The following MCC variants were observed in gnomAD, a reference collection of about 807,000 sequenced individuals.
The protein encoded by MCC is colorectal mutant cancer protein.
In MCC, 90 loss-of-function variants were observed where a neutral mutation model predicts 116.2. That is an observed-to-expected ratio of 0.77 (90% CI 0.65 to 0.92). The LOEUF is 0.92. Among genes scored for constraint, MCC ranks in the 40% least tolerant of loss-of-function variants. The probability of loss-of-function intolerance (pLI) is 0.00; values close to 1 mark genes in which losing one functional copy is unlikely to be tolerated. For synonymous variants in MCC, 578 were observed against 510.5 expected (o/e 1.13, Z -1.78); for missense variants, 1,516 against 1,312.2 (o/e 1.16, Z -2.40).
rs374515189 is a variant in MCC, at chr5:113,224,032, A to G, written c.628-72610T>C. Among the ~76,000 whole-genome samples the G allele has an allele frequency of 4.6e-5, 7 of 152,262 alleles. No homozygotes were observed. The East Asian group carries it at 5.8e-4, about 13-fold the overall frequency. ...CACCATTTCAGATCTTTTACAAACA[A>G]TAACTCAAGGAATGCTCATACCAAT... is the stretch of plus-strand genomic sequence containing the variant. On this transcript the variant is annotated intron_variant, in intron 3 of 18. Coordinates refer to ENST00000408903, the MANE Select transcript of MCC (RefSeq NM_001085377.2).
intron 6 of MCC, among the ~76,000 whole-genome samples, chr5:113,111,161 C>T (rs1263001546): frequency 6.6e-6 from 1 of 152,234 alleles, no homozygotes; most frequent in African/African-American, 2.4e-5. Flanking sequence ...GAAAGATCCA[C>T]ATATGGCAGG....
rs555127133 is a variant in MCC at position 113,113,800 on chromosome 5, G to A, written c.1027+8884C>T. On this transcript the variant is annotated intron_variant, in intron 6 of 18. Coordinates refer to ENST00000408903, the MANE Select transcript of MCC (RefSeq NM_001085377.2). ...TGTCACAAGAGACAAAACAGCAGGA[G>A]GGAGGATCTGTTCTAGATTAAAGGA... Among the ~76,000 whole-genome samples the A allele has an allele frequency of 2.6e-5, 4 of 152,236 alleles. No individual in the cohort carries two copies. The South Asian group carries it at 6.2e-4, about 24-fold the overall frequency.
chr5:113,303,843 C>T lies in MCC; in HGVS notation c.627+36676G>A, dbSNP rs375771420. Among the ~76,000 whole-genome samples, 54 of 152,134 alleles carry T rather than the reference C, an allele frequency of 3.5e-4. No homozygotes were observed. In the South Asian group the frequency reaches 0.01, roughly 29 times the overall value. On this transcript the variant is annotated intron_variant, in intron 3 of 18. Transcript: ENST00000408903. ...AATTTGTTTGTATTTTTAGTAGAGA[C>T]GGGGTTTCACCATGTTGGCCAGGCT...
At chr5:113,176,191 A>G (rs1346873457) in intron 3 of MCC, among the ~76,000 whole-genome samples, 1 of 152,144 alleles carries the variant, frequency 6.6e-6, no homozygotes, top group Non-Finnish European at 1.5e-5. Flanking sequence ...CTAAATGCCC[A>G]TTTCTTGTAC....
Position 113,068,177 on chromosome 5 carries a change from C to T in MCC, c.1932G>A (p.Gln644=). The T allele has an allele frequency of 1.2e-6, 2 of 1,613,686 alleles. No individual in the cohort carries two copies. The highest frequency in any genetic ancestry group is 1.7e-6 in the Non-Finnish European group (2 of 1,179,618). The part of the protein sequence containing the change: ...ALRLALQYSE[Q]CIEAYELLLA... ...GGAGGAGTTCGTAGGCTTCGATGCA[C>T]TGCTCGCTGAAACAAAGCACATGGG... The change falls in exon 13 of 19, where the codon CAG becomes CAA. Residue 644 remains glutamine (Q), a synonymous_variant. Transcript: ENST00000408903.
intron 3 of MCC, among the ~76,000 whole-genome samples, chr5:113,327,683 C>T (rs1767603380): frequency 1.3e-5 from 2 of 149,068 alleles, no homozygotes; most frequent in South Asian, 4.3e-4. Context: ...GTCTGGGTTG[C>T]AATGAGGAGA....
chr5:113,178,356 T>C (rs1273466301), intron 3 of MCC, among the ~76,000 whole-genome samples: 1 of 152,154 alleles, frequency 6.6e-6, no homozygotes, highest in Non-Finnish European at 1.5e-5. Context: ...AAAGTGTAGA[T>C]GGCATTAGTG....
At chr5:113,225,619 T>C (rs539152423) in intron 3 of MCC, among the ~76,000 whole-genome samples, 1 of 152,310 alleles carries the variant, frequency 6.6e-6, no homozygotes, top group African/African-American at 2.4e-5. Context: ...CTTCACCTCC[T>C]TGATCTTCTA....
At chr5:113,076,442 T>A (rs528662594) in intron 11 of MCC, among the ~76,000 whole-genome samples, 172 of 152,178 alleles carry the variant, frequency 1.1e-3, no homozygotes, top group African/African-American at 4.0e-3. Context: ...GGGAAGCCCA[T>A]CAGAGTAGTA....
rs1341161274 is a variant in MCC, at chr5:113,122,828, T to C, written c.885-2A>G. On this transcript the variant is annotated splice_acceptor_variant, in intron 5 of 18. Transcript: ENST00000408903. LOFTEE classifies it high-confidence loss of function. ...AGTTCTGAGTACTCATCTTCCTCCCTGAGAAAAAAGGAGAATTGGCAACCA... is the reference window on the plus strand; with the variant it reads ...AGTTCTGAGTACTCATCTTCCTCCCCGAGAAAAAAGGAGAATTGGCAACCA... 1 of 1,613,450 alleles carries C rather than the reference T, an allele frequency of 6.2e-7. No individual in the cohort carries two copies. The highest frequency in any genetic ancestry group is 1.1e-5 in the South Asian group (1 of 91,006).
chr5:113,314,409 G>A (rs946608591), intron 3 of MCC, among the ~76,000 whole-genome samples: 7 of 152,148 alleles, frequency 4.6e-5, no homozygotes, highest in Admixed American at 2.0e-4. Context: ...TTCAAAATTA[G>A]AAAAGGGCAT....
At chr5:113,413,206 C>T (rs1048750384) in intron 1 of MCC, among the ~76,000 whole-genome samples, 1 of 151,592 alleles carries the variant, frequency 6.6e-6, no homozygotes, top group Non-Finnish European at 1.5e-5. Context: ...CATCGATGTT[C>T]ATCAAGGATA....
chr5:113,309,329 C>A (rs1478433043), intron 3 of MCC, among the ~76,000 whole-genome samples: 1 of 152,086 alleles, frequency 6.6e-6, no homozygotes, highest in Non-Finnish European at 1.5e-5. Context: ...TAATTTTTTA[C>A]CCCGTGTTCT....
At chr5:113,195,598 G>A (rs1163358313) in intron 3 of MCC, among the ~76,000 whole-genome samples, 1 of 152,124 alleles carries the variant, frequency 6.6e-6, no homozygotes, top group Non-Finnish European at 1.5e-5. Flanking sequence ...CCATGGGCCT[G>A]AGAAAGAAAG....
chr5:113,247,975 T>C (rs1006402607), intron 3 of MCC, among the ~76,000 whole-genome samples: 3 of 151,652 alleles, frequency 2.0e-5, no homozygotes, highest in Non-Finnish European at 4.4e-5. Flanking sequence ...ACCTTGAGGG[T>C]GAATGAGATA....
chr5:113,068,025 G>A (rs1753743509), intron 13 of MCC, 55 bp downstream of exon 13: 1 of 1,468,310 alleles, frequency 6.8e-7, no homozygotes, highest in East Asian at 2.3e-5. Flanking sequence ...GACAGGGGCA[G>A]AAGCAAAGGA....
intron 1 of MCC, among the ~76,000 whole-genome samples, chr5:113,444,507 AC>A (rs1433005706): frequency 2.0e-5 from 3 of 152,206 alleles, no homozygotes; most frequent in Non-Finnish European, 4.4e-5. Flanking sequence ...TTCCTTCTAA[AC>A]TATATATATC....
chr5:113,184,076 A>G (rs1335960499), intron 3 of MCC, among the ~76,000 whole-genome samples: 1 of 152,224 alleles, frequency 6.6e-6, no homozygotes, highest in Non-Finnish European at 1.5e-5. Flanking sequence ...GCTGGCATTT[A>G]ATTTTTAAAG....
At chr5:113,197,758 A>T (rs1334946833) in intron 3 of MCC, among the ~76,000 whole-genome samples, 1 of 152,236 alleles carries the variant, frequency 6.6e-6, no homozygotes, top group East Asian at 1.9e-4. Flanking sequence ...AGTTGAGAAG[A>T]AAAGGAGGCA....
Sources: allele counts gnomAD v4.1 joint callset (sites outside exome capture counted in the v4.1 genomes callset), GRCh38; gene constraint gnomAD v4.1.1; transcripts MANE v1.5; gene names NCBI Gene and HGNC (gene_info 2026-07-23, HGNC 2026-07-21).